Variants in PDE4D observed in about 807,000 individuals in gnomAD.
The protein encoded by PDE4D is 3',5'-cyclic-AMP phosphodiesterase 4D.
In PDE4D, 24 loss-of-function variants were observed where a neutral mutation model predicts 87.4. That is an observed-to-expected ratio of 0.27 (90% confidence interval 0.20 to 0.39). The LOEUF is 0.39. PDE4D is among the 10% of genes least tolerant of loss of function. The pLI is 1.00. For synonymous variants in PDE4D, 384 were observed against 383.2 expected, an observed-to-expected ratio of 1.00 and a Z score of -0.02; for missense variants, 714 against 1,041.0, an observed-to-expected ratio of 0.69 and a Z score of 4.32.
At chr5:59,364,453 T>C (rs1782723501) in intron 1 of PDE4D, among the ~76,000 whole-genome samples, 1 of 152,234 alleles carries the variant, frequency 6.6e-6, no homozygotes, top group South Asian at 2.1e-4. Context: ...GTTATTTCAT[T>C]GGTCAGATGA....
At chr5:60,155,560 C>A (rs911906505) in intron 2 of PDE4D, among the ~76,000 whole-genome samples, 1 of 152,064 alleles carries the variant, frequency 6.6e-6, no homozygotes, top group Non-Finnish European at 1.5e-5. Flanking sequence ...GTATTAACAA[C>A]AAAATTTAAG....
At chr5:60,409,757 CT>C (rs1308009857) in intron 1 of PDE4D, among the ~76,000 whole-genome samples, 1 of 152,186 alleles carries the variant, frequency 6.6e-6, no homozygotes, top group African/African-American at 2.4e-5. Context: ...GTTTAAATGT[CT>C]GTATTGCTTT....
At chr5:59,304,428 C>T (rs761173639) in intron 1 of PDE4D, among the ~76,000 whole-genome samples, 1 of 152,088 alleles carries the variant, frequency 6.6e-6, no homozygotes, top group Non-Finnish European at 1.5e-5. Flanking sequence ...ACTTCCATTA[C>T]TATGTTGAAG....
chr5:59,122,127 G>A (rs1413783933), intron 5 of PDE4D, among the ~76,000 whole-genome samples: 2 of 100,634 alleles, frequency 2.0e-5, no homozygotes, highest in African/African-American at 8.2e-5. Context: ...GGATGACAGA[G>A]CAAGACTCTA....
chr5:59,527,801 AT>A, intron 1 of PDE4D, among the ~76,000 whole-genome samples: 1 of 152,366 alleles, frequency 6.6e-6, no homozygotes, highest in Middle Eastern at 3.4e-3. Context: ...CAAATGCAAG[AT>A]ATTTGGCTAA....
chr5:59,369,305 C>T (rs1314764300), intron 1 of PDE4D, among the ~76,000 whole-genome samples: 1 of 152,090 alleles, frequency 6.6e-6, no homozygotes, highest in Non-Finnish European at 1.5e-5. Context: ...CTAACGCCTC[C>T]CAACTGTATC....
chr5:59,420,821 C>T (rs1794365213), intron 1 of PDE4D, among the ~76,000 whole-genome samples: 1 of 151,962 alleles, frequency 6.6e-6, no homozygotes, highest in Non-Finnish European at 1.5e-5. Flanking sequence ...AATCATCTTA[C>T]ATCGGATACC....
intron 1 of PDE4D, chr5:59,586,733 T>G: frequency 1.0e-6 from 1 of 985,398 alleles, no homozygotes; most frequent in Non-Finnish European, 1.2e-6. Context: ...AATTAATGCA[T>G]CCTTAAGGAA....
intron 1 of PDE4D, among the ~76,000 whole-genome samples, chr5:59,633,854 C>A (rs1831887814): frequency 6.6e-6 from 1 of 152,138 alleles, no homozygotes; most frequent in South Asian, 2.1e-4. Context: ...AAACAGCTAG[C>A]ATCATAATGA....
At position 59,534,763 on chromosome 5, in the gene PDE4D, G is replaced by C. The variant is rs966142373; in HGVS notation, c.456-318795C>G. Reference sequence around the variant, plus strand: ...TATCACAGTCTCTTTTTAGGAAGATGAACTCCAGCCAAAGTGTAAGCTCTA... The same window carrying C: ...TATCACAGTCTCTTTTTAGGAAGATCAACTCCAGCCAAAGTGTAAGCTCTA... On this transcript the variant is annotated intron_variant, in intron 1 of 14. Transcript: ENST00000340635. Among the ~76,000 whole-genome samples, 3 of 152,140 alleles carry C rather than the reference G, an allele frequency of 2.0e-5. No homozygotes were observed. In the East Asian group the frequency reaches 5.8e-4, roughly 29 times the overall value.
At chr5:60,039,115 C>T (rs904944669) in intron 2 of PDE4D, among the ~76,000 whole-genome samples, 7 of 151,454 alleles carry the variant, frequency 4.6e-5, no homozygotes, top group African/African-American at 1.7e-4. Context: ...ATAAATCATG[C>T]TGCTATAAAG....
chr5:60,096,659 G>A (rs983048845), intron 2 of PDE4D, among the ~76,000 whole-genome samples: 1 of 152,010 alleles, frequency 6.6e-6, no homozygotes, highest in African/African-American at 2.4e-5. Flanking sequence ...CTATCTAGAA[G>A]GAAGTTTACT....
chr5:60,352,551 C>T (rs747700686), intron 1 of PDE4D, among the ~76,000 whole-genome samples: 1 of 152,220 alleles, frequency 6.6e-6, no homozygotes, highest in Non-Finnish European at 1.5e-5. Context: ...CCTGTGCCTT[C>T]AGCCATAGAA....
intron 1 of PDE4D, among the ~76,000 whole-genome samples, chr5:59,630,381 G>C (rs1245383618): frequency 6.6e-6 from 1 of 152,046 alleles, no homozygotes; most frequent in African/African-American, 2.4e-5. Flanking sequence ...TTTCTATGAG[G>C]ACAATCACAA....
At chr5:60,424,193 T>A (rs1743422540) in intron 1 of PDE4D, among the ~76,000 whole-genome samples, 1 of 151,500 alleles carries the variant, frequency 6.6e-6, no homozygotes, top group African/African-American at 2.4e-5. Flanking sequence ...TTTATGAGCA[T>A]CATTCTGATA....
At chr5:59,922,701 A>G (rs532949033) in intron 3 of PDE4D, among the ~76,000 whole-genome samples, 1 of 152,218 alleles carries the variant, frequency 6.6e-6, no homozygotes, top group East Asian at 1.9e-4. Context: ...ATCAGCAGCA[A>G]TAGCCAGGTG....
At chr5:60,114,481 A>T (rs963590989) in intron 2 of PDE4D, among the ~76,000 whole-genome samples, 5 of 152,114 alleles carry the variant, frequency 3.3e-5, no homozygotes, top group Admixed American at 3.3e-4. Context: ...AACCTCACAA[A>T]ATACAATCAG....
chr5:60,343,500 C>A (rs1280397697), intron 1 of PDE4D, among the ~76,000 whole-genome samples: 2 of 152,182 alleles, frequency 1.3e-5, no homozygotes, highest in African/African-American at 4.8e-5. Flanking sequence ...AAGCACATAT[C>A]TTCCAGGCAC....
chr5:59,531,649 T>C (rs1201086078), intron 1 of PDE4D, among the ~76,000 whole-genome samples: 1 of 152,182 alleles, frequency 6.6e-6, no homozygotes, highest in African/African-American at 2.4e-5. Context: ...ATTCCTTGGC[T>C]CCAGGCCCCC....
Sources: allele counts gnomAD v4.1 joint callset (sites outside exome capture counted in the v4.1 genomes callset), GRCh38; gene constraint gnomAD v4.1.1; transcripts MANE v1.5; gene names NCBI Gene and HGNC (gene_info 2026-07-23, HGNC 2026-07-21).